Variants in TIMP3 observed in about 807,000 individuals in gnomAD.
The protein encoded by TIMP3 is TIMP metallopeptidase inhibitor 3, also known as metalloproteinase inhibitor 3.
Under a neutral mutation model 30.0 loss-of-function variants are expected in TIMP3, and 11 were observed. That is an observed-to-expected ratio of 0.37 (90% CI 0.23 to 0.61). TIMP3 has a LOEUF of 0.61. TIMP3 is among the 20% of genes least tolerant of loss of function. The pLI is 0.70. For missense variants in TIMP3, 181 were observed against 276.8 expected, an observed-to-expected ratio of 0.65 and a Z score of 2.45; for synonymous variants, 112 against 111.3, an observed-to-expected ratio of 1.01 and a Z score of -0.04.
chr22:32,818,604 G>C (rs1202911376), intron 1 of TIMP3, among the ~76,000 whole-genome samples: 1 of 152,166 alleles, frequency 6.6e-6, no homozygotes, highest in Non-Finnish European at 1.5e-5. Context: ...TTAAAAGGCC[G>C]TGTGTTTGCC....
intron 1 of TIMP3, among the ~76,000 whole-genome samples, chr22:32,812,120 G>C (rs530784621): frequency 6.6e-6 from 1 of 152,260 alleles, no homozygotes; most frequent in South Asian, 2.1e-4. Context: ...CTGTAAAACA[G>C]CAGGATATTG....
intron 4 of TIMP3, among the ~76,000 whole-genome samples, chr22:32,858,849 C>G (rs1312373182): frequency 6.6e-6 from 1 of 152,128 alleles, no homozygotes; most frequent in African/African-American, 2.4e-5. Flanking sequence ...TTCCCTAAAA[C>G]AACTGAGATC....
At position 32,861,672 on chromosome 22, in the gene TIMP3, A is replaced by T. The variant is rs1270749054; in HGVS notation, c.*2295A>T. The T allele has an allele frequency of 6.6e-6, 1 of 152,656 alleles. No homozygotes were observed. The highest frequency in any genetic ancestry group is 2.4e-5 in the African/African-American group (1 of 41,464). The allele number at this position is 152,656 out of a possible 1,614,324, so 9.5% of individuals were successfully genotyped here. A position where few individuals can be genotyped will look rare whatever the true frequency, so the allele number is the denominator to read the frequency against. Reference sequence around the variant, plus strand: ...GCGGAGTCGATAAATTAGCAGAACCACATCCCCATCTGTTAGGCCTTGGTG... The same window carrying T: ...GCGGAGTCGATAAATTAGCAGAACCTCATCCCCATCTGTTAGGCCTTGGTG... On this transcript the variant is annotated 3_prime_UTR_variant, in exon 5 of 5. Transcript: ENST00000266085.
intron 1 of TIMP3, among the ~76,000 whole-genome samples, chr22:32,831,499 TG>T (rs1300388395): frequency 2.0e-5 from 3 of 152,034 alleles, no homozygotes; most frequent in Non-Finnish European, 4.4e-5. Context: ...ACTTGATATG[TG>T]GGGGTCGGAG....
intron 1 of TIMP3, among the ~76,000 whole-genome samples, chr22:32,827,298 T>C (rs1485509099): frequency 6.6e-6 from 1 of 152,150 alleles, no homozygotes; most frequent in Non-Finnish European, 1.5e-5. Flanking sequence ...ATAGCAAAGC[T>C]CCCAGTTTAA....
At chr22:32,808,889 TGCC>T (rs1188635591) in intron 1 of TIMP3, among the ~76,000 whole-genome samples, 2 of 152,192 alleles carry the variant, frequency 1.3e-5, no homozygotes, top group African/African-American at 4.8e-5. Context: ...TAGGGCTGCG[TGCC>T]ACCCAGAGGG....
At chr22:32,825,675 A>G (rs113008914) in intron 1 of TIMP3, among the ~76,000 whole-genome samples, 1 of 146,730 alleles carries the variant, frequency 6.8e-6, no homozygotes, top group Admixed American at 6.9e-5. Context: ...AAAAAAAAAA[A>G]AAAAAAAAAA....
intron 1 of TIMP3, among the ~76,000 whole-genome samples, chr22:32,804,071 G>A (rs374456697): frequency 2.6e-5 from 4 of 152,114 alleles, no homozygotes; most frequent in African/African-American, 4.8e-5. Flanking sequence ...TAGCTCCCTC[G>A]CTCCTCTTCA....
intron 1 of TIMP3, among the ~76,000 whole-genome samples, chr22:32,806,759 T>G (rs1601402146): frequency 6.6e-6 from 1 of 151,796 alleles, no homozygotes; most frequent in Non-Finnish European, 1.5e-5. Flanking sequence ...ATATCTATGA[T>G]ATATCCATTT....
At chr22:32,803,279 A>G (rs1420608151) in intron 1 of TIMP3, among the ~76,000 whole-genome samples, 1 of 151,660 alleles carries the variant, frequency 6.6e-6, no homozygotes, top group East Asian at 1.9e-4. Flanking sequence ...AGGAGAAGGA[A>G]ATTTTCCACT....
At chr22:32,845,182 A>T (rs2146216582) in intron 1 of TIMP3, among the ~76,000 whole-genome samples, 1 of 152,166 alleles carries the variant, frequency 6.6e-6, no homozygotes, top group Non-Finnish European at 1.5e-5. Context: ...TGTACCTTGG[A>T]GACTAGTCCT....
intron 2 of TIMP3, among the ~76,000 whole-genome samples, chr22:32,852,926 T>C (rs1039659303): frequency 6.6e-6 from 1 of 152,162 alleles, no homozygotes; most frequent in African/African-American, 2.4e-5. Flanking sequence ...TTATTGTTTA[T>C]GTAGCGGAGA....
chr22:32,814,210 CAA>C (rs2047005188), intron 1 of TIMP3, among the ~76,000 whole-genome samples: 1 of 52,312 alleles, frequency 1.9e-5, no homozygotes, highest in Admixed American at 1.9e-4. Flanking sequence ...AGAAAGAAAA[CAA>C]AGAAAGGAAA....
chr22:32,815,525 C>T (rs775536809), intron 1 of TIMP3, among the ~76,000 whole-genome samples: 14 of 152,148 alleles, frequency 9.2e-5, no homozygotes, highest in Non-Finnish European at 1.8e-4. Flanking sequence ...GAGGTAGGCA[C>T]TCCTATTTCT....
intron 1 of TIMP3, among the ~76,000 whole-genome samples, chr22:32,808,922 G>C (rs1245171460): frequency 1.3e-5 from 2 of 152,170 alleles, no homozygotes; most frequent in African/African-American, 2.4e-5. Context: ...ACCCACTTTA[G>C]AGGGTAAGCA....
chr22:32,851,904 A>T (rs2048229307), intron 2 of TIMP3, among the ~76,000 whole-genome samples: 2 of 152,200 alleles, frequency 1.3e-5, no homozygotes, highest in Admixed American at 1.3e-4. Flanking sequence ...CAAGTCAGAC[A>T]AGATACAGGC....
intron 1 of TIMP3, among the ~76,000 whole-genome samples, chr22:32,813,092 G>T (rs1333514195): frequency 6.6e-6 from 1 of 152,172 alleles, no homozygotes; most frequent in Non-Finnish European, 1.5e-5. Flanking sequence ...CAAACCCAGT[G>T]CCTACAGGGA....
intron 2 of TIMP3, among the ~76,000 whole-genome samples, chr22:32,851,734 A>G (rs914156675): frequency 1.3e-5 from 2 of 152,140 alleles, no homozygotes; most frequent in Non-Finnish European, 2.9e-5. Context: ...TGTTCTTTAT[A>G]TGACTCCCAA....
At chr22:32,834,036 G>C (rs2047657384) in intron 1 of TIMP3, among the ~76,000 whole-genome samples, 1 of 152,062 alleles carries the variant, frequency 6.6e-6, no homozygotes, top group Admixed American at 6.6e-5. Flanking sequence ...TACTCTCATT[G>C]CTTATCCTCC....
Sources: allele counts gnomAD v4.1 joint callset (sites outside exome capture counted in the v4.1 genomes callset), GRCh38; gene constraint gnomAD v4.1.1; transcripts MANE v1.5; gene names NCBI Gene and HGNC (gene_info 2026-07-23, HGNC 2026-07-21).